Variants in CFI observed in about 807,000 individuals in gnomAD.
CFI encodes C3B/C4B inactivator.
CFI carries 66 observed loss-of-function variants against 78.8 expected under a neutral mutation model. The ratio of observed to expected loss-of-function variants is 0.84; its 90% CI spans 0.69 to 1.03. The LOEUF is 1.03. Among genes scored for constraint, CFI ranks in the 50% least tolerant of loss-of-function variants. CFI has a pLI of 0.00. For synonymous variants in CFI, 250 were observed against 232.6 expected (o/e 1.07, Z -0.68); for missense variants, 706 against 704.5 (o/e 1.00, Z -0.02).
intron 1 of CFI, among the ~76,000 whole-genome samples, chr4:109,786,082 G>A (rs115269619): frequency 0.013 from 1,903 of 152,056 alleles, 23 homozygotes; most frequent in African/African-American, 0.039. Flanking sequence ...CTCTGAGAGT[G>A]AGTGCAGTGA....
downstream of CFI, among the ~76,000 whole-genome samples, chr4:109,740,011 G>A (rs1351932236): frequency 6.6e-6 from 1 of 152,160 alleles, no homozygotes; most frequent in Non-Finnish European, 1.5e-5. Flanking sequence ...AAAGAAGCAG[G>A]GGCCTGGTGT....
chr4:109,743,084 C>A (rs1439376753), intron 11 of CFI, among the ~76,000 whole-genome samples: 1 of 152,158 alleles, frequency 6.6e-6, no homozygotes, highest in African/African-American at 2.4e-5. Flanking sequence ...AATCCATCTC[C>A]TAAGTGATTT....
At chr4:109,749,474 A>T (rs1257036473) in intron 9 of CFI, 25 bp downstream of exon 9, 3 of 1,583,846 alleles carry the variant, frequency 1.9e-6, no homozygotes, top group Non-Finnish European at 2.6e-6. Context: ...GGGCAGTTGC[A>T]TTGTGACTTT....
At chr4:109,761,742 A>T (rs771044419) in intron 3 of CFI, 50 bp from the exon 4 acceptor site, 36 of 1,442,546 alleles carry the variant, frequency 2.5e-5, no homozygotes, top group Non-Finnish European at 3.4e-5. Flanking sequence ...AGTACTTTGC[A>T]TTTATAACCC....
chr4:109,783,566 A>G (rs1344782601), intron 1 of CFI, among the ~76,000 whole-genome samples: 1 of 152,084 alleles, frequency 6.6e-6, no homozygotes, highest in South Asian at 2.1e-4. Context: ...ACACTTCTAC[A>G]CTGCTGGTGG....
At chr4:109,741,933 A>T (rs1282585841) in intron 12 of CFI, 1 of 159,902 alleles carries the variant, frequency 6.3e-6, no homozygotes, top group Non-Finnish European at 1.4e-5. Flanking sequence ...AATTAGCTTA[A>T]CCATGTTATC....
intron 1 of CFI, among the ~76,000 whole-genome samples, chr4:109,774,609 C>T (rs1284244015): frequency 6.6e-6 from 1 of 152,124 alleles, no homozygotes; most frequent in South Asian, 2.1e-4. Context: ...CTGTTGGCTA[C>T]TGTAAAGACT....
At position 109,753,816 on chromosome 4, in the gene CFI, TTTATATTATATATTATATAATGTATAATC is replaced by T. The variant is rs1579193887; in HGVS notation, c.905-1342_905-1314del. 5.7e-3 allele frequency among the ~76,000 whole-genome samples: 519 copies of T among 91,256 alleles called. 20 individuals carry two copies. Among genetic ancestry groups the T allele is most frequent in the East Asian group, 0.05 (169 of 3,378 alleles). 59.9% of individuals were successfully genotyped at this position (91,256 alleles called of 152,430 possible). On this transcript the variant is annotated intron_variant, in intron 7 of 12. Coordinates refer to ENST00000394634, the MANE Select transcript of CFI (RefSeq NM_000204.5). ...TATTATATATTATCTAATGTATAAT[TTTATATTATATATTATATAATGTATAATC>T]TTATATTATATATTATATAATGTAT...
chr4:109,796,702 G>T (rs1732101720), intron 1 of CFI, among the ~76,000 whole-genome samples: 2 of 152,196 alleles, frequency 1.3e-5, no homozygotes, highest in African/African-American at 4.8e-5. Context: ...AGAGGCTGGG[G>T]TAGGAGGGTA....
chr4:109,766,917 GC>G, intron 1 of CFI, 93 bp from the exon 2 acceptor site: 1 of 1,252,986 alleles, frequency 8.0e-7, no homozygotes, highest in Non-Finnish European at 1.2e-6. Flanking sequence ...AACAGATACA[GC>G]CCACAGTACA....
At chr4:109,743,900 G>A (rs1365753448) in intron 11 of CFI, among the ~76,000 whole-genome samples, 2 of 151,956 alleles carry the variant, frequency 1.3e-5, no homozygotes, top group Non-Finnish European at 1.5e-5. Context: ...TGGGAGGATC[G>A]CTTGAGCCCC....
chr4:109,779,874 A>T (rs892605382), intron 1 of CFI, among the ~76,000 whole-genome samples: 1 of 152,196 alleles, frequency 6.6e-6, no homozygotes, highest in Non-Finnish European at 1.5e-5. Context: ...ACAACAAGAA[A>T]TGGGGAAAGG....
At chr4:109,750,300 T>C (rs1382207340) in intron 8 of CFI, among the ~76,000 whole-genome samples, 1 of 152,092 alleles carries the variant, frequency 6.6e-6, no homozygotes, top group African/African-American at 2.4e-5. Flanking sequence ...CCAGCCATAG[T>C]TTTTATTTTC....
intron 10 of CFI, among the ~76,000 whole-genome samples, chr4:109,748,516 G>A (rs558222436): frequency 6.6e-6 from 1 of 152,212 alleles, no homozygotes; most frequent in Non-Finnish European, 1.5e-5. Flanking sequence ...GTCAGGGAAG[G>A]TTCCCTAAGG....
intron 12 of CFI, chr4:109,742,202 G>A (rs912906504): frequency 1.3e-5 from 5 of 373,788 alleles, no homozygotes; most frequent in African/African-American, 8.2e-5. Context: ...CACATGACTA[G>A]CAATTAGTAA....
At chr4:109,766,304 G>A (rs1453041229) in intron 2 of CFI, among the ~76,000 whole-genome samples, 1 of 152,000 alleles carries the variant, frequency 6.6e-6, no homozygotes, top group African/African-American at 2.4e-5. Context: ...TAAAGGGCTG[G>A]GCAGCAGGGA....
intron 8 of CFI, 118 bp from the exon 9 acceptor site, chr4:109,749,720 G>A: frequency 1.5e-6 from 1 of 686,960 alleles, no homozygotes; most frequent in Admixed American, 2.2e-5. Context: ...AAGACAGGCT[G>A]GAATCATTAG....
chr4:109,737,695 G>A (rs1441704202), downstream of CFI, among the ~76,000 whole-genome samples: 1 of 152,244 alleles, frequency 6.6e-6, no homozygotes, highest in Non-Finnish European at 1.5e-5. Flanking sequence ...CTCTGATGGA[G>A]CAGTCCTGCA....
intron 6 of CFI, chr4:109,758,057 T>A: frequency 1.1e-6 from 1 of 888,630 alleles, no homozygotes; most frequent in Non-Finnish European, 1.6e-6. Context: ...TACAACTTAA[T>A]AGTTAGAAGC....
Sources: allele counts gnomAD v4.1 joint callset (sites outside exome capture counted in the v4.1 genomes callset), GRCh38; gene constraint gnomAD v4.1.1; transcripts MANE v1.5; gene names NCBI Gene and HGNC (gene_info 2026-07-23, HGNC 2026-07-21).